The following ADARB1 variants were observed in gnomAD, a reference collection of about 807,000 sequenced individuals.
The protein encoded by ADARB1 is double-stranded RNA-specific editase 1.
In ADARB1, 10 loss-of-function variants were observed where a neutral mutation model predicts 52.4. The ratio of observed to expected loss-of-function variants is 0.19; its 90% CI spans 0.12 to 0.32. The LOEUF is 0.32. Ranked by LOEUF, ADARB1 falls within the 10% of genes least tolerant of loss-of-function variation. ADARB1 has a pLI of 1.00. For synonymous variants in ADARB1, 349 were observed against 371.1 expected (o/e 0.94, Z 0.68); for missense variants, 643 against 922.3 (o/e 0.70, Z 3.92).
chr21:45,184,855 A>T, intron 7 of ADARB1, 68 bp from the exon 8 acceptor site: 1 of 1,457,890 alleles, frequency 6.9e-7, no homozygotes, highest in Non-Finnish European at 9.4e-7. Context: ...CTATTGTTAG[A>T]TGTGCTTTTC....
chr21:45,209,689 A>G (rs190272269), intron 9 of ADARB1, among the ~76,000 whole-genome samples: 47 of 152,066 alleles, frequency 3.1e-4, no homozygotes, highest in Middle Eastern at 6.8e-3. Flanking sequence ...ACATTTATCT[A>G]TTTTCCCTAA....
intron 1 of ADARB1, among the ~76,000 whole-genome samples, chr21:45,077,494 T>C (rs2085987061): frequency 6.6e-6 from 1 of 151,518 alleles, no homozygotes; most frequent in Non-Finnish European, 1.5e-5. Flanking sequence ...TGAAAACCCG[T>C]CTCTACTAAA....
At chr21:45,111,156 C>T (rs532203044) in intron 1 of ADARB1, among the ~76,000 whole-genome samples, 4 of 152,338 alleles carry the variant, frequency 2.6e-5, no homozygotes, top group African/African-American at 9.6e-5. Context: ...CGGAGCGCTG[C>T]AGTCCCTGAA....
chr21:45,219,858 A>G (rs908420081), intron 9 of ADARB1, among the ~76,000 whole-genome samples: 7 of 152,122 alleles, frequency 4.6e-5, no homozygotes, highest in Non-Finnish European at 8.8e-5. Context: ...ATAAGCAGAT[A>G]TTACCATCCT....
chr21:45,148,164 T>C (rs1163445480), intron 2 of ADARB1, among the ~76,000 whole-genome samples: 2 of 152,222 alleles, frequency 1.3e-5, no homozygotes, highest in East Asian at 3.9e-4. Context: ...AGACAGCTTC[T>C]GTCCCACTCA....
intron 1 of ADARB1, among the ~76,000 whole-genome samples, chr21:45,108,509 T>C (rs908955997): frequency 6.6e-6 from 1 of 152,146 alleles, no homozygotes; most frequent in African/African-American, 2.4e-5. Flanking sequence ...GCACTAACTC[T>C]CCCTAGATTT....
At chr21:45,115,704 A>G (rs1269114610) in intron 1 of ADARB1, among the ~76,000 whole-genome samples, 1 of 152,228 alleles carries the variant, frequency 6.6e-6, no homozygotes, top group African/African-American at 2.4e-5. Context: ...CATTAAACCC[A>G]AGGACTCTTG....
chr21:45,083,180 C>T (rs2086216502), intron 1 of ADARB1, among the ~76,000 whole-genome samples: 1 of 152,232 alleles, frequency 6.6e-6, no homozygotes, highest in African/African-American at 2.4e-5. Flanking sequence ...GGTAGATAGA[C>T]ACTTGTAAGC....
Position 45,204,630 on chromosome 21 carries a change from G to C in ADARB1, c.1641G>C (p.Leu547=), listed in dbSNP as rs146663117. ...CCATTTACTTCTCGAGCATCATCCT[G>C]GGCAGCCTTTACCACGGGGACCACC... ...VEPIYFSSII[L]GSLYHGDHLS... Residue 547 remains leucine (L), a synonymous_variant, in exon 9 of 11, where the codon CTG becomes CTC. Transcript: ENST00000348831. The surrounding 1 kb of genome is among the most constrained non-coding windows in gnomAD (Gnocchi z 4.4). 1.8e-5 allele frequency: 29 copies of C among 1,614,028 alleles called. No individual in the cohort carries two copies. The African/African-American group carries it at 3.6e-4, about 20-fold the overall frequency.
chr21:45,134,630 C>A, intron 2 of ADARB1: 2 of 404,674 alleles, frequency 4.9e-6, no homozygotes, highest in Non-Finnish European at 4.9e-6. Flanking sequence ...CATGAAGAAT[C>A]CTACAGATCC....
rs77770052 is a variant in ADARB1, at chr21:45,172,809, C to T, written c.28+1125C>T. Among the ~76,000 whole-genome samples the T allele has an allele frequency of 4.5e-3, 687 of 152,304 alleles. 7 individuals carry two copies. Among genetic ancestry groups the T allele is most frequent in the Admixed American group, 8.1e-3 (124 of 15,294 alleles). On this transcript the variant is annotated intron_variant, in intron 3 of 10. Transcript: ENST00000348831. This position sits in a 1 kb window ranked among gnomAD's most constrained non-coding sequence, Gnocchi z 4.4. ...CTCACTTCCGCTGTTGTGTGCGCAG[C>T]CCGTGCCTGCCTGCTGGTGATTGTT...
chr21:45,134,002 C>T (rs1209547072), intron 2 of ADARB1, among the ~76,000 whole-genome samples: 2 of 126,398 alleles, frequency 1.6e-5, no homozygotes, highest in African/African-American at 3.1e-5. Flanking sequence ...TGTGTGCGCC[C>T]GACGGGTGTG....
At chr21:45,140,720 A>G (rs1008665993) in intron 2 of ADARB1, among the ~76,000 whole-genome samples, 6 of 152,224 alleles carry the variant, frequency 3.9e-5, no homozygotes, top group Middle Eastern at 6.8e-3. Context: ...CATTTTTACC[A>G]TTTAGAGGAC....
chr21:45,136,216 C>T (rs899342865), intron 2 of ADARB1, among the ~76,000 whole-genome samples: 1 of 152,162 alleles, frequency 6.6e-6, no homozygotes, highest in African/African-American at 2.4e-5. Flanking sequence ...CTGGTTCTGG[C>T]CTCCTGTCAG....
At chr21:45,155,468 G>A (rs1254267529) in intron 2 of ADARB1, among the ~76,000 whole-genome samples, 2 of 152,112 alleles carry the variant, frequency 1.3e-5, no homozygotes, top group East Asian at 1.9e-4. Context: ...GGTATAGGAC[G>A]GGATGGCATT....
chr21:45,152,050 GTGGCCTGCAGTT>G (rs1370267241), intron 2 of ADARB1, among the ~76,000 whole-genome samples: 1 of 152,210 alleles, frequency 6.6e-6, no homozygotes, highest in African/African-American at 2.4e-5. Flanking sequence ...CCATTTGTCA[GTGGCCTGCAGTT>G]TCCTGTCCCA....
chr21:45,168,696 A>G (rs2091354376), intron 2 of ADARB1, among the ~76,000 whole-genome samples: 1 of 152,032 alleles, frequency 6.6e-6, no homozygotes, highest in Non-Finnish European at 1.5e-5. Flanking sequence ...CGATGACTGT[A>G]GCTTTGTAAT....
At chr21:45,149,394 G>A (rs1569071990) in intron 2 of ADARB1, among the ~76,000 whole-genome samples, 1 of 152,246 alleles carries the variant, frequency 6.6e-6, no homozygotes, top group Non-Finnish European at 1.5e-5. Context: ...GCCTGTCCCT[G>A]ACACTGGCAG....
chr21:45,174,847 A>G (rs2091631258), intron 3 of ADARB1, among the ~76,000 whole-genome samples: 1 of 152,234 alleles, frequency 6.6e-6, no homozygotes, highest in Non-Finnish European at 1.5e-5. Flanking sequence ...GTTAGGATAA[A>G]CAAATTATTC....
Sources: gnomAD v4.1 joint callset for allele counts (sites outside exome capture counted in the v4.1 genomes callset) on GRCh38, gnomAD v4.1.1 for gene constraint, Gnocchi (gnomAD v3.1) non-coding constraint, MANE v1.5 for transcripts, NCBI Gene and HGNC (gene_info 2026-07-23, HGNC 2026-07-21) for gene names.